The following INPP4A variants were observed in gnomAD, a reference collection of about 807,000 sequenced individuals.
INPP4A encodes the protein inositol polyphosphate-4-phosphatase type I A.
INPP4A carries 33 observed loss-of-function variants against 119.8 expected under a neutral mutation model. The observed-to-expected ratio is 0.28, with a 90% CI of 0.21 to 0.37. INPP4A has a LOEUF of 0.37. INPP4A is among the 10% of genes least tolerant of loss of function. The probability of loss-of-function intolerance (pLI) is 1.00; values close to 1 mark genes in which losing one functional copy is unlikely to be tolerated. For synonymous variants in INPP4A, 496 were observed against 500.7 expected (o/e 0.99, Z 0.12); for missense variants, 956 against 1,289.9 (o/e 0.74, Z 3.97).
rs201948183 is a variant in INPP4A, at chr2:98,453,526, C to CA, written c.-166+8444dup. Among the ~76,000 whole-genome samples the CA allele has an allele frequency of 6.6e-3, 1,009 of 152,234 alleles. 16 individuals are homozygous for CA. Among genetic ancestry groups the CA allele is most frequent in the African/African-American group, 0.023 (944 of 41,506 alleles). ...AGAGTGGATTTTGGTAAAGATGTGT[C>CA]AAACCCTAGGGCTGAGTGCAGGGGG... On this transcript the variant is annotated intron_variant, in intron 1 of 24. Transcript: ENST00000409851.
rs1162827496 is a variant in INPP4A at position 98,535,724 on chromosome 2, T to C, written c.271-5T>C. The C allele has an allele frequency of 7.3e-7, 1 of 1,377,574 alleles. No individual in the cohort carries two copies. Among genetic ancestry groups the C allele is most frequent in the Non-Finnish European group, 1.0e-6 (1 of 980,552 alleles). The allele number at this position is 1,377,574 out of a possible 1,614,324, so 85.3% of individuals were successfully genotyped here. A position where few individuals can be genotyped will look rare whatever the true frequency, so the allele number is the denominator to read the frequency against. Reference sequence around the variant, plus strand: ...GTGTTCTGATTATTTCCTTTTCTGTTCTAGGGAACCAACAATCCTATATTT... The same window carrying C: ...GTGTTCTGATTATTTCCTTTTCTGTCCTAGGGAACCAACAATCCTATATTT... On this transcript the variant is annotated splice_region_variant and splice_polypyrimidine_tract_variant and intron_variant, in intron 5 of 24. Transcript: ENST00000409851.
In INPP4A at chr2:98,537,977, G is replaced by GAGTTAC; in HGVS notation, c.579+5_579+10dup. 6.4e-7 allele frequency: 1 copy of GAGTTAC among 1,574,170 alleles called. No homozygotes were observed. Among genetic ancestry groups the GAGTTAC allele is most frequent in the Non-Finnish European group, 8.7e-7 (1 of 1,147,050 alleles). ...CTGTGGACACTGTCAATGGGAGGGT[G>GAGTTAC]AGTTACACCACTTTCCTCCTCTCCC... On this transcript the variant is annotated splice_donor_region_variant and intron_variant, in intron 8 of 24. Transcript: ENST00000409851.
At chr2:98,550,628 G>A (rs996853677) in intron 13 of INPP4A, among the ~76,000 whole-genome samples, 5 of 152,234 alleles carry the variant, frequency 3.3e-5, no homozygotes, top group African/African-American at 1.2e-4. Flanking sequence ...CCATCCTGCC[G>A]CCCTCATGTG....
At chr2:98,555,409 T>C (rs1694271852) in intron 15 of INPP4A, 144 bp from the exon 16 acceptor site, 3 of 838,488 alleles carry the variant, frequency 3.6e-6, no homozygotes, top group East Asian at 2.6e-5. Flanking sequence ...GAATTAGGAA[T>C]CATCTTTATA....
intron 24 of INPP4A, among the ~76,000 whole-genome samples, chr2:98,580,658 G>A (rs1699170419): frequency 6.6e-6 from 1 of 152,212 alleles, no homozygotes. Flanking sequence ...TGGGGGCTTC[G>A]GGGCTCCTCT....
At chr2:98,513,082 G>A (rs545190273) in intron 1 of INPP4A, among the ~76,000 whole-genome samples, 1 of 152,288 alleles carries the variant, frequency 6.6e-6, no homozygotes, top group Admixed American at 6.5e-5. Flanking sequence ...CCCTTGCACC[G>A]TAGGATGGGG....
At chr2:98,499,287 C>T (rs1216348845) in intron 1 of INPP4A, among the ~76,000 whole-genome samples, 1 of 152,196 alleles carries the variant, frequency 6.6e-6, no homozygotes, top group Non-Finnish European at 1.5e-5. Context: ...CCAGAAATGC[C>T]AGGTTTGCTT....
At chr2:98,564,541 G>T (rs1302384484) in intron 18 of INPP4A, 99 bp from the exon 19 acceptor site, 2 of 1,434,328 alleles carry the variant, frequency 1.4e-6, no homozygotes, top group Admixed American at 3.7e-5. Context: ...TTGAGCAGTG[G>T]CAGCAGAGGA....
chr2:98,581,216 C>T (rs937046419), intron 24 of INPP4A, among the ~76,000 whole-genome samples: 4 of 152,188 alleles, frequency 2.6e-5, no homozygotes, highest in Non-Finnish European at 4.4e-5. Context: ...GGGGCATGGC[C>T]GGGCAGCATG....
At chr2:98,575,492 T>A (rs1169228729) in intron 23 of INPP4A, among the ~76,000 whole-genome samples, 1 of 152,266 alleles carries the variant, frequency 6.6e-6, no homozygotes, top group Non-Finnish European at 1.5e-5. Flanking sequence ...TAATTTACTC[T>A]CCATTAGCTT....
At chr2:98,563,903 A>G (rs999444966) in intron 18 of INPP4A, among the ~76,000 whole-genome samples, 4 of 149,354 alleles carry the variant, frequency 2.7e-5, no homozygotes, top group African/African-American at 9.9e-5. Context: ...TAGTGAGGGC[A>G]TGCATGGGTG....
At chr2:98,471,161 G>T (rs1330168157) in intron 1 of INPP4A, among the ~76,000 whole-genome samples, 1 of 152,156 alleles carries the variant, frequency 6.6e-6, no homozygotes, top group Non-Finnish European at 1.5e-5. Flanking sequence ...ATGAGTGTGC[G>T]TGTATGTGGT....
At chr2:98,499,861 T>G (rs186673563) in intron 1 of INPP4A, among the ~76,000 whole-genome samples, 159 of 152,280 alleles carry the variant, frequency 1.0e-3, no homozygotes, top group African/African-American at 3.6e-3. Flanking sequence ...TTGACGGCCT[T>G]CAGTGATGGT....
chr2:98,528,922 A>G (rs1037546735), intron 4 of INPP4A, among the ~76,000 whole-genome samples: 1 of 151,702 alleles, frequency 6.6e-6, no homozygotes, highest in Non-Finnish European at 1.5e-5. Context: ...TAAAAATACA[A>G]AAAAAATTAG....
At chr2:98,563,338 A>AGAGGGCTAGAGGGCT in intron 17 of INPP4A, 127 bp from the exon 18 acceptor site, 2 of 879,032 alleles carry the variant, frequency 2.3e-6, no homozygotes, top group Non-Finnish European at 3.5e-6. Flanking sequence ...ACAGAGCTGG[A>AGAGGGCTAGAGGGCT]AGATGAGGTG....
Position 98,590,176 on chromosome 2 carries a change from T to C in INPP4A, c.*2568T>C, listed in dbSNP as rs1045686453. On this transcript the variant is annotated 3_prime_UTR_variant, in exon 25 of 25. Coordinates refer to ENST00000409851, the MANE Select transcript of INPP4A (RefSeq NM_001134225.2). ...ATTAAATGTGGTCTTGCCTGATTCA[T>C]CCTATTAGGAGGACTAGTTCTATGT... is the stretch of plus-strand genomic sequence containing the variant. 4.4e-5 allele frequency: 9 copies of C among 203,444 alleles called. No homozygotes were observed. The highest frequency in any genetic ancestry group is 2.1e-4 in the African/African-American group (9 of 43,700). The allele number at this position is 203,444 out of a possible 1,614,324, so 12.6% of individuals were successfully genotyped here.
intron 1 of INPP4A, among the ~76,000 whole-genome samples, chr2:98,503,377 G>A (rs1358747052): frequency 6.6e-6 from 1 of 152,214 alleles, no homozygotes; most frequent in African/African-American, 2.4e-5. Flanking sequence ...TGGCTCTCCA[G>A]CCCCATTCTC....
chr2:98,531,812 C>A (rs1689287828), intron 4 of INPP4A, among the ~76,000 whole-genome samples: 1 of 152,214 alleles, frequency 6.6e-6, no homozygotes, highest in Non-Finnish European at 1.5e-5. Flanking sequence ...ACAGTATAAA[C>A]AGTGCTAAGA....
At chr2:98,552,202 G>A (rs939419882) in intron 13 of INPP4A, among the ~76,000 whole-genome samples, 6 of 152,316 alleles carry the variant, frequency 3.9e-5, no homozygotes, top group East Asian at 1.9e-4. Flanking sequence ...GTCCTGGAGC[G>A]AAGGAAAGGG....
Sources: allele counts gnomAD v4.1 joint callset (sites outside exome capture counted in the v4.1 genomes callset), GRCh38; gene constraint gnomAD v4.1.1; transcripts MANE v1.5; gene names NCBI Gene and HGNC (gene_info 2026-07-23, HGNC 2026-07-21).